Variants in KIRREL3 observed in about 807,000 individuals in gnomAD.
The protein encoded by KIRREL3 is kin of IRRE-like protein 3.
In KIRREL3, 36 loss-of-function variants were observed where a neutral mutation model predicts 89.7. The observed-to-expected ratio is 0.40, with a 90% CI of 0.31 to 0.53. The LOEUF (loss-of-function observed/expected upper bound fraction) is 0.53. Among genes scored for constraint, KIRREL3 ranks in the 20% least tolerant of loss-of-function variants. The pLI, the probability that KIRREL3 is intolerant of heterozygous loss-of-function variation, is 0.49. For missense variants in KIRREL3, 864 were observed against 1,056.6 expected (o/e 0.82, Z 2.53); for synonymous variants, 445 against 441.4 (o/e 1.01, Z -0.10).
intron 1 of KIRREL3, among the ~76,000 whole-genome samples, chr11:126,621,716 C>G (rs1013822171): frequency 6.6e-6 from 1 of 152,052 alleles, no homozygotes; most frequent in Non-Finnish European, 1.5e-5. Flanking sequence ...TATAGTTTTA[C>G]TAGAACATTG....
rs190721343 is a variant in KIRREL3 at position 126,736,354 on chromosome 11, A to G, written c.56-173442T>C. Among the ~76,000 whole-genome samples, 12 of 152,338 alleles carry G rather than the reference A, an allele frequency of 7.9e-5. No individual in the cohort carries two copies. Among genetic ancestry groups the G allele is most frequent in the Non-Finnish European group, 1.3e-4 (9 of 68,034 alleles). ...AGGCTCAGAGAAGTGAAATCATTTG[A>G]CAAGTCATACACAGCTAAAACGTAG... On this transcript the variant is annotated intron_variant, in intron 1 of 16. Transcript: ENST00000525144. This position sits in a 1 kb window ranked among gnomAD's most constrained non-coding sequence, Gnocchi z 5.0.
At position 126,511,092 on chromosome 11, in the gene KIRREL3, AGTT is replaced by A. The variant is rs536479029; in HGVS notation, c.433+10220_433+10222del. 3.9e-4 allele frequency among the ~76,000 whole-genome samples: 57 copies of A among 145,154 alleles called. No homozygotes were observed. The South Asian group carries it at 5.1e-3, about 13-fold the overall frequency. The stretch of plus-strand genomic sequence containing the variant: ...GTGTGTGTGTTGGAGCAGAACAGAG[AGTT>A]GTTGGTTGTGCCTCCATCTCTAGAG... On this transcript the variant is annotated intron_variant, in intron 4 of 16. Coordinates refer to ENST00000525144, the MANE Select transcript of KIRREL3 (RefSeq NM_032531.4).
chr11:126,914,990 AAG>A (rs1946980096), intron 1 of KIRREL3, among the ~76,000 whole-genome samples: 1 of 152,166 alleles, frequency 6.6e-6, no homozygotes, highest in South Asian at 2.1e-4. Flanking sequence ...ACACCCCCCT[AAG>A]ACTCTGACCT....
At chr11:126,863,727 A>C (rs961383298) in intron 1 of KIRREL3, among the ~76,000 whole-genome samples, 16 of 152,190 alleles carry the variant, frequency 1.1e-4, no homozygotes, top group African/African-American at 3.9e-4. Context: ...AAAGAGGTAC[A>C]AAGAGGAATG....
chr11:126,857,315 G>T (rs552520107), intron 1 of KIRREL3, among the ~76,000 whole-genome samples: 8 of 152,254 alleles, frequency 5.3e-5, no homozygotes, highest in African/African-American at 1.9e-4. Flanking sequence ...CAGCCCAGGT[G>T]CTTCACCCTC....
intron 1 of KIRREL3, among the ~76,000 whole-genome samples, chr11:126,657,874 A>T (rs1361735630): frequency 6.6e-6 from 1 of 152,100 alleles, no homozygotes; most frequent in African/African-American, 2.4e-5. Context: ...ACTGCTATCT[A>T]CCGGAAGAGA....
Position 126,432,760 on chromosome 11 carries a change from T to C in KIRREL3, c.1589-1234A>G, listed in dbSNP as rs1005590676. On this transcript the variant is annotated intron_variant, in intron 13 of 16. Coordinates refer to ENST00000525144, the MANE Select transcript of KIRREL3 (RefSeq NM_032531.4). This position sits in a 1 kb window ranked among gnomAD's most constrained non-coding sequence, Gnocchi z 6.2. The stretch of plus-strand genomic sequence containing the variant: ...ATGGGGATAATGGTACCGGCCCCTC[T>C]GAGGGTTGTTATGGGCTTGAGCTGG... 1.3e-5 allele frequency among the ~76,000 whole-genome samples: 2 copies of C among 152,198 alleles called. No individual in the cohort carries two copies. The highest frequency in any genetic ancestry group is 6.5e-5 in the Admixed American group (1 of 15,278).
At position 126,795,197 on chromosome 11, in the gene KIRREL3, T is replaced by C. The variant is rs116534856; in HGVS notation, c.55+205258A>G. 2.1e-3 allele frequency among the ~76,000 whole-genome samples: 320 copies of C among 152,100 alleles called. 1 individual carries two copies. Among genetic ancestry groups the C allele is most frequent in the African/African-American group, 7.3e-3 (302 of 41,474 alleles). ...CACACATTTGGCCAAGCCCATAGAG[T>C]GTACAGCATACAGAATGAACTCTAA... On this transcript the variant is annotated intron_variant, in intron 1 of 16. Transcript: ENST00000525144. This position sits in a 1 kb window ranked among gnomAD's most constrained non-coding sequence, Gnocchi z 4.1.
rs537501255 is a variant in KIRREL3 at position 126,879,907 on chromosome 11, C to T, written c.55+120548G>A. ...TCCCATTTCAGAACAGACCATTCCC[C>T]CACCACCCCGCCGCCATCTCAGTTA... On this transcript the variant is annotated intron_variant, in intron 1 of 16. Transcript: ENST00000525144. The surrounding 1 kb of genome is among the most constrained non-coding windows in gnomAD (Gnocchi z 5.4). Among the ~76,000 whole-genome samples the T allele has an allele frequency of 1.3e-5, 2 of 152,278 alleles. No homozygotes were observed. The highest frequency in any genetic ancestry group is 2.9e-5 in the Non-Finnish European group (2 of 68,034).
rs897318103 is a variant in KIRREL3 at position 126,837,854 on chromosome 11, T to A, written c.55+162601A>T. 6.6e-6 allele frequency among the ~76,000 whole-genome samples: 1 copy of A among 152,184 alleles called. No homozygotes were observed. The highest frequency in any genetic ancestry group is 2.4e-5 in the African/African-American group (1 of 41,426). The stretch of plus-strand genomic sequence containing the variant: ...GCAGCTCGCAGTCTATGTCCAGGCA[T>A]ACATCCTATCTCTCTACACTCCTAA... On this transcript the variant is annotated intron_variant, in intron 1 of 16. Transcript: ENST00000525144. The surrounding 1 kb of genome is among the most constrained non-coding windows in gnomAD (Gnocchi z 4.7).
intron 1 of KIRREL3, among the ~76,000 whole-genome samples, chr11:126,850,768 A>G (rs2322500): frequency 0.85 from 129,144 of 152,176 alleles, 55,006 homozygotes; most frequent in East Asian, 1. Flanking sequence ...AGCCTCATCT[A>G]TGAGGGGCCT....
intron 1 of KIRREL3, among the ~76,000 whole-genome samples, chr11:126,878,331 C>T (rs1945367105): frequency 6.6e-6 from 1 of 152,078 alleles, no homozygotes; most frequent in Admixed American, 6.5e-5. Context: ...GGGGTCTCAC[C>T]ACCTCCCACC....
At chr11:126,545,498 C>T (rs931521012) in intron 2 of KIRREL3, among the ~76,000 whole-genome samples, 4 of 151,956 alleles carry the variant, frequency 2.6e-5, no homozygotes, top group Non-Finnish European at 2.9e-5. Context: ...GGGCCAGGCA[C>T]GGTGGCCCAC....
chr11:126,463,416 A>G lies in KIRREL3; in HGVS notation c.592-109T>C, dbSNP rs1398384570. ...GCTTAGACAGAAGGGGGAGCTGTGGATGGAGGGGTTCAGCTTAGGAGACCT... is the reference window on the plus strand; with the variant it reads ...GCTTAGACAGAAGGGGGAGCTGTGGGTGGAGGGGTTCAGCTTAGGAGACCT... On this transcript the variant is annotated intron_variant, in intron 5 of 16. Transcript: ENST00000525144. This position sits in a 1 kb window ranked among gnomAD's most constrained non-coding sequence, Gnocchi z 5.9. The G allele has an allele frequency of 1.8e-6, 2 of 1,140,694 alleles. No homozygotes were observed. The highest frequency in any genetic ancestry group is 2.5e-6 in the Non-Finnish European group (2 of 804,204). The allele number at this position is 1,140,694 out of a possible 1,614,324, so 70.7% of individuals were successfully genotyped here. A position where few individuals can be genotyped will look rare whatever the true frequency, so the allele number is the denominator to read the frequency against.
In KIRREL3 at chr11:126,608,435, T is replaced by G. The variant is rs539115041; in HGVS notation, c.56-45523A>C. 6.6e-6 allele frequency among the ~76,000 whole-genome samples: 1 copy of G among 152,008 alleles called. No individual in the cohort carries two copies. The highest frequency in any genetic ancestry group is 2.4e-5 in the African/African-American group (1 of 41,430). On this transcript the variant is annotated intron_variant, in intron 1 of 16. Coordinates refer to ENST00000525144, the MANE Select transcript of KIRREL3 (RefSeq NM_032531.4). The surrounding 1 kb of genome is among the most constrained non-coding windows in gnomAD (Gnocchi z 4.9). Reference sequence around the variant, plus strand: ...TCATTAAATTCACTAACCTTGCTTTTCCACCAGGTTTAGCCCCTGGTGCCC... The same window carrying G: ...TCATTAAATTCACTAACCTTGCTTTGCCACCAGGTTTAGCCCCTGGTGCCC...
In KIRREL3 at chr11:126,955,114, A is replaced by G. The variant is rs749081429; in HGVS notation, c.55+45341T>C. Among the ~76,000 whole-genome samples, 1 of 152,168 alleles carries G rather than the reference A, an allele frequency of 6.6e-6. No individual in the cohort carries two copies. Among genetic ancestry groups the G allele is most frequent in the Non-Finnish European group, 1.5e-5 (1 of 68,036 alleles). On this transcript the variant is annotated intron_variant, in intron 1 of 16. Transcript: ENST00000525144. The surrounding 1 kb of genome is among the most constrained non-coding windows in gnomAD (Gnocchi z 4.6). ...CATCTGCCTGAGGGGGTACTGCTGC[A>G]GGCGTGTGGCTTTTCACTGTGGGCT...
At chr11:126,853,739 T>TA (rs371500160) in intron 1 of KIRREL3, among the ~76,000 whole-genome samples, 2,990 of 148,008 alleles carry the variant, frequency 0.02, 95 homozygotes, top group African/African-American at 0.067. Context: ...CACATAAACT[T>TA]AAAAAAAAAA....
At position 126,994,668 on chromosome 11, in the gene KIRREL3, CA is replaced by C. The variant is rs1211476292; in HGVS notation, c.55+5786del. The stretch of plus-strand genomic sequence containing the variant: ...GGAGAGGAGAAAAAGAATTAAAAAG[CA>C]TAATGGTCCTAGCTCCTTCAGTGAG... On this transcript the variant is annotated intron_variant, in intron 1 of 16. Transcript: ENST00000525144. This position sits in a 1 kb window ranked among gnomAD's most constrained non-coding sequence, Gnocchi z 5.2. Among the ~76,000 whole-genome samples the C allele has an allele frequency of 6.6e-6, 1 of 152,100 alleles. No individual in the cohort carries two copies. The highest frequency in any genetic ancestry group is 1.5e-5 in the Non-Finnish European group (1 of 68,022).
At chr11:126,848,876 T>C (rs1592218884) in intron 1 of KIRREL3, among the ~76,000 whole-genome samples, 1 of 152,194 alleles carries the variant, frequency 6.6e-6, no homozygotes, top group Non-Finnish European at 1.5e-5. Flanking sequence ...AAAAATATCA[T>C]CACCTCTATT....
Sources: allele counts gnomAD v4.1 joint callset (sites outside exome capture counted in the v4.1 genomes callset), GRCh38; gene constraint gnomAD v4.1.1; non-coding constraint Gnocchi (gnomAD v3.1); transcripts MANE v1.5; gene names NCBI Gene and HGNC (gene_info 2026-07-23, HGNC 2026-07-21).